Variants in NAP1L1 observed in about 807,000 individuals in gnomAD.
NAP1L1 encodes nucleosome assembly protein 1 like 1.
Under a neutral mutation model 58.9 loss-of-function variants are expected in NAP1L1, and 9 were observed. The observed-to-expected ratio is 0.15, with a 90% CI of 0.09 to 0.27. NAP1L1 has a LOEUF of 0.27. Ranked by LOEUF, NAP1L1 falls within the 10% of genes least tolerant of loss-of-function variation. NAP1L1 has a pLI of 1.00. For missense variants in NAP1L1, 302 were observed against 458.8 expected (o/e 0.66, Z 3.12); for synonymous variants, 130 against 138.3 (o/e 0.94, Z 0.42).
chr12:76,048,444 C>G lies in NAP1L1; in HGVS notation c.1161G>C (p.Glu387Asp). The G allele has an allele frequency of 6.2e-7, 1 of 1,613,686 alleles. No homozygotes were observed. Among genetic ancestry groups the G allele is most frequent in the Non-Finnish European group, 8.5e-7 (1 of 1,179,724 alleles). The change falls in exon 15 of 15, where the codon GAG (glutamate) becomes GAC (aspartate). Residue 387 changes from glutamate to aspartate, a missense_variant. Glu to Asp is a conservative substitution (Grantham distance 45). Transcript: ENST00000618691. ...YDPKKDQNPAECKQQ is the reference protein window; with the variant it reads ...YDPKKDQNPADCKQQ ...ACATCCTGCTTCACTGCTGCTTGCA[C>G]TCTGCTGGGTTTTGATCCTTCTGTT...
chr12:76,053,933 C>G (rs1287657527), intron 8 of NAP1L1, 24 bp from the exon 9 acceptor site: 2 of 1,588,142 alleles, frequency 1.3e-6, no homozygotes, highest in African/African-American at 1.4e-5. Flanking sequence ...GCATAAAAAT[C>G]AGTTAAATAC....
Position 76,056,017 on chromosome 12 carries a change from T to TTA in NAP1L1, c.558+14_558+15dup, listed in dbSNP as rs1565721689. On this transcript the variant is annotated intron_variant, in intron 7 of 14. Transcript: ENST00000618691. ...TACCCTTCAAAGTAAACTGGTACAT[T>TTA]TATGAATAAAATTACCTGAACCATA... 1.9e-6 allele frequency: 3 copies of TTA among 1,610,094 alleles called. No homozygotes were observed. The highest frequency in any genetic ancestry group is 2.5e-6 in the Non-Finnish European group (3 of 1,179,126).
chr12:76,061,525 T>C (rs1177106010), intron 4 of NAP1L1, among the ~76,000 whole-genome samples: 1 of 152,230 alleles, frequency 6.6e-6, no homozygotes, highest in Non-Finnish European at 1.5e-5. Flanking sequence ...CTGTCACTGA[T>C]GGGCATTTAG....
chr12:76,053,114 C>A lies in NAP1L1; in HGVS notation c.917-4G>T, dbSNP rs752181597. On this transcript the variant is annotated splice_polypyrimidine_tract_variant and splice_region_variant and intron_variant, in intron 10 of 14. Coordinates refer to ENST00000618691, the MANE Select transcript of NAP1L1 (RefSeq NM_004537.7). ...ACCAGATCTCCACTCTCAGGAACTG[C>A]AAAATTGAGAAAAGAAATTACAATG... 7 of 1,611,748 alleles carry A rather than the reference C, an allele frequency of 4.3e-6. No homozygotes were observed. The highest frequency in any genetic ancestry group is 5.9e-6 in the Non-Finnish European group (7 of 1,178,778).
At chr12:76,067,936 T>G (rs1949757829) in intron 3 of NAP1L1, among the ~76,000 whole-genome samples, 1 of 152,202 alleles carries the variant, frequency 6.6e-6, no homozygotes, top group Non-Finnish European at 1.5e-5. Context: ...GTGTAATGTA[T>G]TTCTATGTGT....
rs1166065776 is a variant in NAP1L1, at chr12:76,043,570, C to G, written c.*4859G>C. ...TAACAGGTGGTTCCAGTGTTTTAAA[C>G]CCATTAAGAGGACTTCCACAGCTAA... On this transcript the variant is annotated 3_prime_UTR_variant, in exon 15 of 15. Coordinates refer to ENST00000618691, the MANE Select transcript of NAP1L1 (RefSeq NM_004537.7). 6.6e-6 allele frequency: 1 copy of G among 151,838 alleles called. No homozygotes were observed. The highest frequency in any genetic ancestry group is 1.5e-5 in the Non-Finnish European group (1 of 67,996). The allele number at this position is 151,838 out of a possible 1,614,324, so 9.4% of individuals were successfully genotyped here. A position where few individuals can be genotyped will look rare whatever the true frequency, so the allele number is the denominator to read the frequency against.
chr12:76,064,809 C>A (rs1457286040), intron 4 of NAP1L1, among the ~76,000 whole-genome samples: 3 of 151,676 alleles, frequency 2.0e-5, no homozygotes, highest in African/African-American at 4.8e-5. Flanking sequence ...AAAAAAAATT[C>A]TCCAAAACTC....
intron 11 of NAP1L1, 101 bp downstream of exon 11, chr12:76,052,990 G>A: frequency 8.7e-7 from 1 of 1,153,806 alleles, no homozygotes; most frequent in Non-Finnish European, 1.2e-6. Context: ...GTAGGCCTCA[G>A]AACTCAATGT....
Position 76,056,101 on chromosome 12 carries a change from G to A in NAP1L1, c.490C>T (p.Pro164Ser), listed in dbSNP as rs1949071226. The change falls in exon 7 of 15, where the codon CCC becomes TCC. Residue 164 changes from proline to serine, a missense_variant. Transcript: ENST00000618691. ...AACCAAAATTCAGGAATTCCTTTGG[G>A]GTCTTCTTTTTCTTCATCTTTTTTC... is the stretch of plus-strand genomic sequence containing the variant. ...DEKKDEEKED[P>S]KGIPEFWLTV... 6.2e-7 allele frequency: 1 copy of A among 1,612,612 alleles called. No individual in the cohort carries two copies. The highest frequency in any genetic ancestry group is 8.5e-7 in the Non-Finnish European group (1 of 1,179,462).
chr12:76,068,795 G>C, intron 3 of NAP1L1, 114 bp downstream of exon 3: 1 of 647,240 alleles, frequency 1.5e-6, no homozygotes, highest in Non-Finnish European at 2.7e-6. Context: ...GTATGGACCA[G>C]TAGATAAATG....
chr12:76,058,082 A>G, intron 6 of NAP1L1: 2 of 762,040 alleles, frequency 2.6e-6, no homozygotes, highest in Admixed American at 1.7e-5. Flanking sequence ...AAAAACAGAC[A>G]GAAGTAGATG....
At chr12:76,065,230 T>G (rs750519955) in intron 4 of NAP1L1, among the ~76,000 whole-genome samples, 2 of 151,926 alleles carry the variant, frequency 1.3e-5, no homozygotes, top group Non-Finnish European at 2.9e-5. Context: ...ATAGAGCATC[T>G]TAATTGATAC....
rs954928614 is a variant in NAP1L1 at position 76,048,319 on chromosome 12, A to T, written c.*110T>A. 1.5e-5 allele frequency: 19 copies of T among 1,289,586 alleles called. No individual in the cohort carries two copies. Among genetic ancestry groups the T allele is most frequent in the Admixed American group, 2.2e-5 (1 of 46,218 alleles). 79.9% of individuals were successfully genotyped at this position (1,289,586 alleles called of 1,614,324 possible). A position where few individuals can be genotyped will look rare whatever the true frequency, so the allele number is the denominator to read the frequency against. Reference sequence around the variant, plus strand: ...TATCAGTTTCCTGTCCTTTAAAAAAAAATTACCTAGTCTACCAAGAAAATA... The same window carrying T: ...TATCAGTTTCCTGTCCTTTAAAAAATAATTACCTAGTCTACCAAGAAAATA... On this transcript the variant is annotated 3_prime_UTR_variant, in exon 15 of 15. Transcript: ENST00000618691.
chr12:76,080,820 A>C (rs895409431), intron 1 of NAP1L1, among the ~76,000 whole-genome samples: 5 of 152,064 alleles, frequency 3.3e-5, no homozygotes, highest in African/African-American at 9.7e-5. Context: ...GGTCTTTAAG[A>C]AGTGATTGGA....
chr12:76,073,604 A>C (rs1374933769), intron 2 of NAP1L1, among the ~76,000 whole-genome samples: 1 of 152,188 alleles, frequency 6.6e-6, no homozygotes, highest in African/African-American at 2.4e-5. Context: ...GCAAAGTGGC[A>C]ATGTTGCTTT....
chr12:76,081,908 C>T (rs1422428241), intron 1 of NAP1L1, among the ~76,000 whole-genome samples: 1 of 152,148 alleles, frequency 6.6e-6, no homozygotes, highest in Non-Finnish European at 1.5e-5. Context: ...ACTCTTTGAC[C>T]CCTTTACCCT....
At position 76,084,575 on chromosome 12, in the gene NAP1L1, A is replaced by G; in HGVS notation, c.-29T>C. 1 of 152,360 alleles carries G rather than the reference A, an allele frequency of 6.6e-6. No individual in the cohort carries two copies. The highest frequency in any genetic ancestry group is 1.5e-5 in the Non-Finnish European group (1 of 68,276). The allele number at this position is 152,360 out of a possible 1,614,324, so 9.4% of individuals were successfully genotyped here. On this transcript the variant is annotated 5_prime_UTR_variant, in exon 1 of 15. Coordinates refer to ENST00000618691, the MANE Select transcript of NAP1L1 (RefSeq NM_004537.7). ...AGGCCCCCATCCGTTACCGGCGACT[A>G]GTATGGGGAGCCAGGCGGCCGGAGC...
intron 11 of NAP1L1, among the ~76,000 whole-genome samples, chr12:76,051,531 A>G (rs1948828344): frequency 6.6e-6 from 1 of 152,160 alleles, no homozygotes; most frequent in African/African-American, 2.4e-5. Context: ...TATACTAACT[A>G]AATCAGGTGC....
intron 2 of NAP1L1, 131 bp downstream of exon 2, chr12:76,074,072 C>G: frequency 1.3e-6 from 1 of 788,748 alleles, no homozygotes; most frequent in Non-Finnish European, 2.1e-6. Context: ...CTGCACTAGA[C>G]TTTTGTAAAA....
Sources: gnomAD v4.1 joint callset for allele counts (sites outside exome capture counted in the v4.1 genomes callset) on GRCh38, gnomAD v4.1.1 for gene constraint, MANE v1.5 for transcripts, NCBI Gene and HGNC (gene_info 2026-07-23, HGNC 2026-07-21) for gene names.